PDE1C: variants seen among roughly 807,000 people sequenced by gnomAD.
PDE1C encodes phosphodiesterase 1C, also known as dual specificity calcium/calmodulin-dependent 3',5'-cyclic nucleotide phosphodiesterase 1C.
Under a neutral mutation model 93.1 loss-of-function variants are expected in PDE1C, and 62 were observed. The observed-to-expected ratio is 0.67, with a 90% CI of 0.54 to 0.82. The LOEUF is 0.82. PDE1C is among the 40% of genes least tolerant of loss of function. The probability of loss-of-function intolerance (pLI) is 0.00; values close to 1 mark genes in which losing one functional copy is unlikely to be tolerated. For missense variants in PDE1C, 742 were observed against 884.6 expected (o/e 0.84, Z 2.04); for synonymous variants, 325 against 310.1 (o/e 1.05, Z -0.50).
At chr7:31,801,600 A>C (rs1018982913) in intron 16 of PDE1C, among the ~76,000 whole-genome samples, 6 of 151,016 alleles carry the variant, frequency 4.0e-5, no homozygotes, top group Admixed American at 4.0e-4. Flanking sequence ...GAAAGAGATA[A>C]TAATGTCTCC....
intron 11 of PDE1C, among the ~76,000 whole-genome samples, chr7:31,835,525 G>GGTGT (rs58539780): frequency 1.0e-3 from 149 of 147,062 alleles, no homozygotes; most frequent in African/African-American, 2.6e-3. Context: ...GGGGTGCTGC[G>GGTGT]GTGTGTGTGT....
At chr7:32,031,968 G>A (rs1470358678) in intron 2 of PDE1C, among the ~76,000 whole-genome samples, 1 of 152,108 alleles carries the variant, frequency 6.6e-6, no homozygotes, top group East Asian at 1.9e-4. Context: ...TTTCCCAGTA[G>A]TCAGAGACTA....
At chr7:32,257,953 T>C (rs1368735762) in intron 1 of PDE1C, among the ~76,000 whole-genome samples, 3 of 152,272 alleles carry the variant, frequency 2.0e-5, no homozygotes, top group Admixed American at 2.0e-4. Flanking sequence ...CATAGCAGGT[T>C]ACATGCTGTC....
At chr7:31,781,058 A>G (rs576389811) in intron 16 of PDE1C, among the ~76,000 whole-genome samples, 4 of 152,224 alleles carry the variant, frequency 2.6e-5, no homozygotes, top group Non-Finnish European at 5.9e-5. Context: ...TGTTTGGTTC[A>G]ACTAGAGGGC....
At position 31,926,166 on chromosome 7, in the gene PDE1C, C is replaced by T. The variant is rs116118737; in HGVS notation, c.129-45306G>A. Among the ~76,000 whole-genome samples the T allele has an allele frequency of 6.3e-3, 957 of 152,276 alleles. 10 individuals are homozygous for T. The highest frequency in any genetic ancestry group is 0.022 in the African/African-American group (905 of 41,548). On this transcript the variant is annotated intron_variant, in intron 2 of 17. Transcript: ENST00000396191. ...ACACACACACACAATTATACACACA[C>T]GCATATTGCCTGGTATTCATGTATT...
intron 1 of PDE1C, among the ~76,000 whole-genome samples, chr7:32,287,650 AG>A (rs1812079072): frequency 6.6e-6 from 1 of 152,252 alleles, no homozygotes; most frequent in Admixed American, 6.5e-5. Flanking sequence ...ACCCATGCGC[AG>A]GCAGGGCACT....
intron 17 of PDE1C, among the ~76,000 whole-genome samples, chr7:31,769,586 T>C (rs75766517): frequency 0.022 from 3,346 of 152,286 alleles, 129 homozygotes; most frequent in African/African-American, 0.075. Context: ...TCTTCCATGC[T>C]TTTAAATTTT....
At chr7:32,229,489 G>A (rs1196593873) in intron 1 of PDE1C, among the ~76,000 whole-genome samples, 4 of 152,188 alleles carry the variant, frequency 2.6e-5, no homozygotes, top group African/African-American at 9.7e-5. Flanking sequence ...GGTCAGTGGC[G>A]ATTTGACCCC....
At chr7:32,284,007 G>A (rs1179385477) in intron 1 of PDE1C, among the ~76,000 whole-genome samples, 9 of 152,126 alleles carry the variant, frequency 5.9e-5, no homozygotes, top group African/African-American at 2.2e-4. Flanking sequence ...GCATCCCGAG[G>A]ACATTTATTA....
chr7:32,213,487 C>G (rs980572268), intron 1 of PDE1C, among the ~76,000 whole-genome samples: 1 of 152,160 alleles, frequency 6.6e-6, no homozygotes, highest in African/African-American at 2.4e-5. Flanking sequence ...GATGCTAGCA[C>G]TACAAAAAGT....
intron 1 of PDE1C, among the ~76,000 whole-genome samples, chr7:32,313,233 T>G (rs1278209261): frequency 2.0e-5 from 3 of 152,116 alleles, no homozygotes; most frequent in African/African-American, 7.2e-5. Context: ...AGAATTGCGA[T>G]CATTAAAAAG....
At chr7:31,762,218 C>G (rs1336888515) in intron 17 of PDE1C, among the ~76,000 whole-genome samples, 1 of 152,138 alleles carries the variant, frequency 6.6e-6, no homozygotes, top group Non-Finnish European at 1.5e-5. Context: ...CAACTTTAAC[C>G]CAACCAAAAA....
intron 2 of PDE1C, among the ~76,000 whole-genome samples, chr7:31,885,778 T>A (rs142024974): frequency 0.021 from 3,228 of 152,300 alleles, 54 homozygotes; most frequent in African/African-American, 0.042. Context: ...TTCAACTTTA[T>A]AATTTAGAAA....
chr7:32,376,992 C>T (rs1784443808), intron 1 of PDE1C, among the ~76,000 whole-genome samples: 1 of 151,952 alleles, frequency 6.6e-6, no homozygotes, highest in Non-Finnish European at 1.5e-5. Flanking sequence ...CGGCCGACTT[C>T]CCCTTTCTAA....
intron 2 of PDE1C, among the ~76,000 whole-genome samples, chr7:32,027,741 C>CA (rs58171528): frequency 0.56 from 80,409 of 142,764 alleles, 23,452 homozygotes; most frequent in Middle Eastern, 0.7. Flanking sequence ...CAAATGACTG[C>CA]AAAAAAAAAA....
intron 2 of PDE1C, among the ~76,000 whole-genome samples, chr7:31,979,595 C>T (rs1169985000): frequency 6.6e-6 from 1 of 152,128 alleles, no homozygotes; most frequent in Non-Finnish European, 1.5e-5. Flanking sequence ...AGGATTCAAA[C>T]CCACGCAGTC....
At chr7:31,976,976 C>T (rs56912777) in intron 2 of PDE1C, among the ~76,000 whole-genome samples, 2,519 of 152,218 alleles carry the variant, frequency 0.017, 71 homozygotes, top group African/African-American at 0.057. Flanking sequence ...CTTTCAGGAC[C>T]CATCCCAGAC....
chr7:31,982,581 G>A (rs1323032619), intron 2 of PDE1C, among the ~76,000 whole-genome samples: 1 of 151,580 alleles, frequency 6.6e-6, no homozygotes, highest in East Asian at 1.9e-4. Flanking sequence ...GAAGTTAATG[G>A]GTCCCTCTCA....
intron 1 of PDE1C, among the ~76,000 whole-genome samples, chr7:32,265,467 T>G (rs906665497): frequency 4.6e-5 from 7 of 152,150 alleles, no homozygotes; most frequent in Non-Finnish European, 1.0e-4. Context: ...TTAAGGGCAA[T>G]GTAATGGACG....
Sources: gnomAD v4.1 joint callset for allele counts (sites outside exome capture counted in the v4.1 genomes callset) on GRCh38, gnomAD v4.1.1 for gene constraint, MANE v1.5 for transcripts, NCBI Gene and HGNC (gene_info 2026-07-23, HGNC 2026-07-21) for gene names.